The following ANKRD36 variants were observed in gnomAD, a reference collection of about 807,000 sequenced individuals.
The protein encoded by ANKRD36 is ankyrin repeat domain 36.
ANKRD36 carries 179 observed loss-of-function variants against 278.1 expected under a neutral mutation model. That is an observed-to-expected ratio of 0.64 (90% confidence interval 0.57 to 0.73). ANKRD36 has a LOEUF of 0.73. ANKRD36 is among the 30% of genes least tolerant of loss of function. The pLI is 0.00. For missense variants in ANKRD36, 1,159 were observed against 1,956.7 expected (o/e 0.59, Z 7.69); for synonymous variants, 320 against 641.1 (o/e 0.50, Z 7.57).
At chr2:97,146,978 A>G (rs540600783) in intron 11 of ANKRD36, among the ~76,000 whole-genome samples, 6 of 152,128 alleles carry the variant, frequency 3.9e-5, no homozygotes, top group South Asian at 2.1e-4. Context: ...TGGAAATGGC[A>G]GTGGTAACCA....
chr2:97,140,180 C>T (rs1258207645), intron 6 of ANKRD36, among the ~76,000 whole-genome samples: 1 of 151,504 alleles, frequency 6.6e-6, no homozygotes, highest in Non-Finnish European at 1.5e-5. Flanking sequence ...CTTATTTGTA[C>T]CTGCAAAAAA....
rs1189935453 is a variant in ANKRD36 at position 97,216,076 on chromosome 2, T to C, written c.3673+579T>C. Among the ~76,000 whole-genome samples, 2 of 151,844 alleles carry C rather than the reference T, an allele frequency of 1.3e-5. 1 individual carries two copies. The highest frequency in any genetic ancestry group is 4.2e-4 in the South Asian group (2 of 4,746). ...TTTGGAATATTTGCATAAAAGAATA[T>C]TAAATTTTGGCTTCTCCAAGAACTA... On this transcript the variant is annotated intron_variant, in intron 62 of 75. Coordinates refer to ENST00000420699, the MANE Select transcript of ANKRD36 (RefSeq NM_001354587.1).
intron 6 of ANKRD36, among the ~76,000 whole-genome samples, chr2:97,139,487 C>T (rs1301435991): frequency 6.6e-6 from 1 of 151,896 alleles, no homozygotes. Context: ...CAGATCTATC[C>T]ATGTTGACCC....
intron 14 of ANKRD36, among the ~76,000 whole-genome samples, chr2:97,152,815 A>G (rs1352397917): frequency 1.4e-5 from 2 of 147,624 alleles, no homozygotes; most frequent in Non-Finnish European, 3.1e-5. Flanking sequence ...AAATCACTTC[A>G]TTTGCCCCTA....
intron 52 of ANKRD36, 114 bp downstream of exon 52, chr2:97,206,249 C>T (rs183746799): frequency 3.7e-5 from 44 of 1,197,758 alleles, no homozygotes; most frequent in African/African-American, 1.7e-4. Context: ...TTCAGCAGGC[C>T]GGAGATTCTT....
chr2:97,193,901 GA>G (rs2153572847), intron 38 of ANKRD36, among the ~76,000 whole-genome samples: 1 of 151,772 alleles, frequency 6.6e-6, no homozygotes, highest in African/African-American at 2.4e-5. Context: ...GAATGATGTT[GA>G]ATTCCAATTA....
chr2:97,165,408 A>G (rs2050355680), intron 20 of ANKRD36, among the ~76,000 whole-genome samples: 1 of 152,182 alleles, frequency 6.6e-6, no homozygotes, highest in South Asian at 2.1e-4. Context: ...CATAAATATG[A>G]TGACATACCA....
chr2:97,229,937 CT>C (rs1442880977), intron 67 of ANKRD36, among the ~76,000 whole-genome samples: 24 of 135,918 alleles, frequency 1.8e-4, no homozygotes, highest in African/African-American at 5.9e-4. Flanking sequence ...GTTGAAAATT[CT>C]TTTCTTTAAG....
intron 62 of ANKRD36, chr2:97,216,606 T>A (rs1395797184): frequency 5.0e-6 from 1 of 201,054 alleles, no homozygotes; most frequent in Non-Finnish European, 9.8e-6. Flanking sequence ...GTGTGAGGAA[T>A]AATAAATATT....
At chr2:97,165,374 C>G (rs1336998227) in intron 20 of ANKRD36, among the ~76,000 whole-genome samples, 1 of 152,104 alleles carries the variant, frequency 6.6e-6, no homozygotes, top group Admixed American at 6.6e-5. Flanking sequence ...TAATTAAAAT[C>G]TCTTCATGCT....
chr2:97,229,970 C>G (rs533627524), intron 67 of ANKRD36, among the ~76,000 whole-genome samples: 1 of 152,232 alleles, frequency 6.6e-6, no homozygotes, highest in Non-Finnish European at 1.5e-5. Context: ...TTGGCCCCCA[C>G]TCTCTTCCGG....
intron 66 of ANKRD36, among the ~76,000 whole-genome samples, chr2:97,224,457 T>G (rs1460771864): frequency 3.1e-4 from 47 of 151,210 alleles, no homozygotes; most frequent in Middle Eastern, 3.5e-3. Context: ...TTTTTGTTTT[T>G]TTTTTTTTGA....
chr2:97,125,109 T>A (rs1006235696), intron 5 of ANKRD36, among the ~76,000 whole-genome samples: 3 of 151,226 alleles, frequency 2.0e-5, no homozygotes, highest in African/African-American at 7.3e-5. Flanking sequence ...GAAAGGACAT[T>A]CTAATCATTG....
chr2:97,196,780 C>T lies in ANKRD36; in HGVS notation c.2645C>T (p.Ser882Phe). ...IARENKDGEKSRTVSSEKPPG... is the reference protein window; with the variant it reads ...IARENKDGEKFRTVSSEKPPG... ...AGAGAAAACAAGGATGGAGAAAAAT[C>T]TAGGACAGGTAATTCTGAAAACAGA... is the stretch of plus-strand genomic sequence containing the variant. The change falls in exon 42 of 76, where the codon TCT becomes TTT. Residue 882 changes from serine to phenylalanine, a missense_variant. Physicochemically the swap from Ser to Phe is radical, Grantham distance 155 (BLOSUM62 -2). Transcript: ENST00000420699. The T allele has an allele frequency of 6.5e-7, 1 of 1,547,414 alleles. No individual in the cohort carries two copies.
In ANKRD36 at chr2:97,196,713, C is replaced by A. The variant is rs780426822; in HGVS notation, c.2581-3C>A. ...TTATTATTTCGTTTCAAATTCCATTCAGGGTACAAGTGACGAGGAAGATTC... is the reference window on the plus strand; with the variant it reads ...TTATTATTTCGTTTCAAATTCCATTAAGGGTACAAGTGACGAGGAAGATTC... On this transcript the variant is annotated splice_polypyrimidine_tract_variant and splice_region_variant and intron_variant, in intron 41 of 75. Transcript: ENST00000420699. 6.4e-7 allele frequency: 1 copy of A among 1,566,976 alleles called. No individual in the cohort carries two copies. The highest frequency in any genetic ancestry group is 1.2e-5 in the South Asian group (1 of 85,354).
At chr2:97,177,865 G>A (rs201941472) in intron 22 of ANKRD36, among the ~76,000 whole-genome samples, 2 of 151,782 alleles carry the variant, frequency 1.3e-5, no homozygotes, top group East Asian at 1.9e-4. Flanking sequence ...CACTGCAAAA[G>A]AAACTACCAT....
rs768749074 is a variant in ANKRD36 at position 97,185,457 on chromosome 2, A to G, written c.1988A>G (p.Asp663Gly). The G allele has an allele frequency of 6.2e-7, 1 of 1,610,848 alleles. No individual in the cohort carries two copies. The highest frequency in any genetic ancestry group is 1.3e-5 in the African/African-American group (1 of 74,724). Residue 663 changes from aspartate to glycine, a missense_variant, in exon 30 of 76, where the codon GAT (aspartate) becomes GGT (glycine). Asp to Gly is a moderately conservative substitution (Grantham distance 94). Coordinates refer to ENST00000420699, the MANE Select transcript of ANKRD36 (RefSeq NM_001354587.1). ...TTTCAGGCTACAAGTGACAAGACAG[A>G]TTCTGCTTTGAATATAGCTACAGAA... is the stretch of plus-strand genomic sequence containing the variant. ...PASKATSDKTDSALNIATEIK... is the reference protein window; with the variant it reads ...PASKATSDKTGSALNIATEIK...
rs1304675630 is a variant in ANKRD36, at chr2:97,193,039, A to G, written c.2435A>G (p.Glu812Gly). 24 of 1,559,850 alleles carry G rather than the reference A, an allele frequency of 1.5e-5. No individual in the cohort carries two copies. The highest frequency in any genetic ancestry group is 1.9e-5 in the Non-Finnish European group (22 of 1,151,808). Residue 812 changes from glutamate (E) to glycine (G), a missense_variant, in exon 38 of 76, where the codon GAA becomes GGA. Transcript: ENST00000420699. ...LSIARENKDG[E>G]KSRTVSSRKK... ...ATAGCCAGAGAAAACAAGGATGGAG[A>G]AAAATCTAGGACAGGTAATTTTGAA...
At chr2:97,129,842 G>A (rs1303796995) in intron 6 of ANKRD36, among the ~76,000 whole-genome samples, 2 of 151,970 alleles carry the variant, frequency 1.3e-5, no homozygotes, top group African/African-American at 2.4e-5. Flanking sequence ...CTCTGTTTTG[G>A]TACCAGTACC....
Sources: allele counts gnomAD v4.1 joint callset (sites outside exome capture counted in the v4.1 genomes callset), GRCh38; gene constraint gnomAD v4.1.1; transcripts MANE v1.5; gene names NCBI Gene and HGNC (gene_info 2026-07-23, HGNC 2026-07-21).